Variants in DDX60L observed in about 807,000 individuals in gnomAD.
DDX60L encodes DExD/H-box 60 like.
Under a neutral mutation model 211.6 loss-of-function variants are expected in DDX60L, and 191 were observed. The ratio of observed to expected loss-of-function variants is 0.90; its 90% CI spans 0.80 to 1.02. The LOEUF is 1.02. Among genes scored for constraint, DDX60L ranks in the 50% least tolerant of loss-of-function variants. DDX60L has a pLI of 0.00. For synonymous variants in DDX60L, 706 were observed against 694.1 expected, an observed-to-expected ratio of 1.02 and a Z score of -0.27; for missense variants, 2,007 against 1,984.1, an observed-to-expected ratio of 1.01 and a Z score of -0.22.
intron 9 of DDX60L, among the ~76,000 whole-genome samples, chr4:168,445,953 C>G (rs1386583824): frequency 7.5e-6 from 1 of 132,554 alleles, no homozygotes; most frequent in African/African-American, 2.7e-5. Context: ...GGAAGCATTC[C>G]CTTTGAAAAC....
chr4:168,387,705 A>G (rs748353557), intron 29 of DDX60L, among the ~76,000 whole-genome samples: 11 of 152,248 alleles, frequency 7.2e-5, no homozygotes, highest in Non-Finnish European at 1.6e-4. Flanking sequence ...AAGTAATTGG[A>G]CGATCTGTGT....
In DDX60L at chr4:168,471,840, C is replaced by T; in HGVS notation, c.171G>A (p.Lys57=). Residue 57 remains lysine (K), a synonymous_variant, in exon 4 of 38, where the codon AAG becomes AAA. Coordinates refer to ENST00000682922, the MANE Select transcript of DDX60L (RefSeq NM_001012967.3). Reference sequence around the variant, plus strand: ...AGAAAAAGTGGAGATTCTGTCCCCACTTGAATGATTTTACACCCAGGCATG... The same window carrying T: ...AGAAAAAGTGGAGATTCTGTCCCCATTTGAATGATTTTACACCCAGGCATG... The part of the protein sequence containing the change: ...LVTCLGVKSF[K]WGQNLHFFYL... The T allele has an allele frequency of 1.9e-6, 3 of 1,613,808 alleles. No homozygotes were observed. Among genetic ancestry groups the T allele is most frequent in the Non-Finnish European group, 2.5e-6 (3 of 1,179,894 alleles).
At position 168,373,773 on chromosome 4, in the gene DDX60L, C is replaced by A; in HGVS notation, c.4669G>T (p.Val1557Leu). The A allele has an allele frequency of 6.2e-7, 1 of 1,613,932 alleles. No individual in the cohort carries two copies. Among genetic ancestry groups the A allele is most frequent in the South Asian group, 1.1e-5 (1 of 91,062 alleles). The stretch of plus-strand genomic sequence containing the variant: ...TTCTTGCAGCTCATCAAGTGAGACA[C>A]GAGTTGGGAGTCTTCACATTCTTTA... ...TGKECEDSQL[V>L]SHLMSCKKGR... Residue 1557 changes from valine (V) to leucine (L), a missense_variant, in exon 35 of 38, where the codon GTG becomes TTG. Coordinates refer to ENST00000682922, the MANE Select transcript of DDX60L (RefSeq NM_001012967.3).
intron 36 of DDX60L, among the ~76,000 whole-genome samples, chr4:168,368,306 T>A (rs955265397): frequency 1.3e-5 from 2 of 152,254 alleles, no homozygotes; most frequent in Non-Finnish European, 2.9e-5. Flanking sequence ...AATGTAGAGC[T>A]TGAGCCATGG....
chr4:168,429,680 A>G (rs1337692573), intron 13 of DDX60L, among the ~76,000 whole-genome samples: 2 of 152,242 alleles, frequency 1.3e-5, no homozygotes, highest in Non-Finnish European at 2.9e-5. Flanking sequence ...TCGAATTGTA[A>G]TCTCCAGCAT....
chr4:168,396,156 G>A (rs1239891121), intron 26 of DDX60L, 32 bp from the exon 27 acceptor site: 2 of 1,217,454 alleles, frequency 1.6e-6, no homozygotes, highest in Admixed American at 3.0e-5. Context: ...AAACTTTTAA[G>A]TAATGAAAAC....
At chr4:168,449,882 C>A (rs1438281033) in intron 8 of DDX60L, among the ~76,000 whole-genome samples, 1 of 150,534 alleles carries the variant, frequency 6.6e-6, no homozygotes, top group Non-Finnish European at 1.5e-5. Context: ...ATGACTGAAA[C>A]GGTGAAAGAG....
chr4:168,401,248 G>A (rs1469670229), intron 25 of DDX60L, among the ~76,000 whole-genome samples: 1 of 152,120 alleles, frequency 6.6e-6, no homozygotes, highest in Non-Finnish European at 1.5e-5. Context: ...CAGCTACCTG[G>A]AGGCTTCATG....
chr4:168,443,188 T>A (rs375507590), intron 9 of DDX60L, among the ~76,000 whole-genome samples: 1 of 151,252 alleles, frequency 6.6e-6, no homozygotes. Flanking sequence ...TTAAAGGAGC[T>A]GATGGAGCTG....
chr4:168,433,642 A>C (rs1293092955), intron 10 of DDX60L, among the ~76,000 whole-genome samples: 1 of 152,134 alleles, frequency 6.6e-6, no homozygotes, highest in Non-Finnish European at 1.5e-5. Flanking sequence ...AGGATTTTTA[A>C]ATTTAGCTGT....
At chr4:168,472,604 T>C in intron 2 of DDX60L, 80 bp from the exon 3 acceptor site, 2 of 1,579,040 alleles carry the variant, frequency 1.3e-6, no homozygotes, top group African/African-American at 1.4e-5. Context: ...AAATGAAATA[T>C]AGACATCCAA....
At chr4:168,449,671 A>AAAAAAAAAAAAAAAAAAAAAAAAAAG (rs1755490094) in intron 8 of DDX60L, among the ~76,000 whole-genome samples, 2 of 144,034 alleles carry the variant, frequency 1.4e-5, no homozygotes, top group African/African-American at 2.6e-5. Flanking sequence ...AAAAAGAAAA[A>AAAAAAAAAAAAAAAAAAAAAAAAAAG]AGAAAAAAAT....
At chr4:168,456,190 T>C (rs991756168) in intron 6 of DDX60L, 38 bp from the exon 7 acceptor site, 1 of 1,295,854 alleles carries the variant, frequency 7.7e-7, no homozygotes, top group Non-Finnish European at 1.1e-6. Context: ...TCAAATTATT[T>C]AGAAATATTC....
At chr4:168,429,193 G>A (rs1751944806) in intron 13 of DDX60L, among the ~76,000 whole-genome samples, 1 of 151,888 alleles carries the variant, frequency 6.6e-6, no homozygotes, top group Admixed American at 6.5e-5. Flanking sequence ...CACCAAGGCT[G>A]GAGTGCAGTG....
Position 168,421,900 on chromosome 4 carries a change from G to T in DDX60L, c.2254C>A (p.Leu752Met). 6.2e-7 allele frequency: 1 copy of T among 1,614,126 alleles called. No homozygotes were observed. The highest frequency in any genetic ancestry group is 8.5e-7 in the Non-Finnish European group (1 of 1,180,006). The change falls in exon 17 of 38, where the codon CTG becomes ATG. Residue 752 changes from leucine to methionine, a missense_variant. Leu to Met is a conservative substitution (Grantham distance 15). Transcript: ENST00000682922. ...GACTCATTCTTATCTACCACATCCA[G>T]GAGTTCCTGCTGCAGGGTACAAAGC... is the stretch of plus-strand genomic sequence containing the variant. ...FIPNAWQQEL[L>M]DVVDKNESAV...
chr4:168,385,362 C>A (rs1416847831), intron 29 of DDX60L, among the ~76,000 whole-genome samples: 3 of 152,200 alleles, frequency 2.0e-5, no homozygotes, highest in Non-Finnish European at 4.4e-5. Context: ...CCTCAGAGGG[C>A]ATGGAAGCTC....
chr4:168,443,440 T>G lies in DDX60L; in HGVS notation c.1139-1948A>C, dbSNP rs1754259177. ...AGTGATGGGGAGAATGGAACCAAGTTGGAAAACACTCTGCAGGATATTATC... is the reference window on the plus strand; with the variant it reads ...AGTGATGGGGAGAATGGAACCAAGTGGGAAAACACTCTGCAGGATATTATC... On this transcript the variant is annotated intron_variant, in intron 9 of 37. Coordinates refer to ENST00000682922, the MANE Select transcript of DDX60L (RefSeq NM_001012967.3). 1.3e-5 allele frequency among the ~76,000 whole-genome samples: 2 copies of G among 151,976 alleles called. 1 individual carries two copies. The highest frequency in any genetic ancestry group is 4.8e-5 in the African/African-American group (2 of 41,262).
chr4:168,471,747 C>G lies in DDX60L; in HGVS notation c.264G>C (p.Lys88Asn). 2 of 1,589,684 alleles carry G rather than the reference C, an allele frequency of 1.3e-6. No homozygotes were observed. Among genetic ancestry groups the G allele is most frequent in the Non-Finnish European group, 1.7e-6 (2 of 1,173,504 alleles). ...NGGQFTIVFF[K>N]DAEYAYFDFP... ...AACGACATCAATCATCATATATTAC[C>G]TTAAAGAAAACTATGGTGAATTGTC... is the stretch of plus-strand genomic sequence containing the variant. The change falls in exon 4 of 38, where the codon AAG becomes AAC. Residue 88 changes from lysine (K) to asparagine (N), a missense_variant and splice_region_variant. Coordinates refer to ENST00000682922, the MANE Select transcript of DDX60L (RefSeq NM_001012967.3).
At chr4:168,379,962 A>C in intron 30 of DDX60L, 132 bp from the exon 31 acceptor site, 2 of 569,862 alleles carry the variant, frequency 3.5e-6, no homozygotes, top group Non-Finnish European at 6.0e-6. Flanking sequence ...ATTTCATTTG[A>C]TTTCATATTA....
Sources: allele counts gnomAD v4.1 joint callset (sites outside exome capture counted in the v4.1 genomes callset), GRCh38; gene constraint gnomAD v4.1.1; transcripts MANE v1.5; gene names NCBI Gene and HGNC (gene_info 2026-07-23, HGNC 2026-07-21).